VWA8: variants seen among roughly 807,000 people sequenced by gnomAD.
VWA8 encodes von Willebrand factor A domain-containing protein 8.
VWA8 carries 221 observed loss-of-function variants against 241.5 expected under a neutral mutation model. The ratio of observed to expected loss-of-function variants is 0.91; its 90% CI spans 0.82 to 1.02. VWA8 has a LOEUF of 1.02. Among genes scored for constraint, VWA8 ranks in the 50% least tolerant of loss-of-function variants. VWA8 has a pLI of 0.00. For synonymous variants in VWA8, 852 were observed against 827.1 expected (o/e 1.03, Z -0.52); for missense variants, 2,322 against 2,328.7 (o/e 1.00, Z 0.06).
chr13:41,646,899 G>C (rs983239448), intron 37 of VWA8, among the ~76,000 whole-genome samples: 1 of 152,160 alleles, frequency 6.6e-6, no homozygotes, highest in African/African-American at 2.4e-5. Context: ...AGTGGCTCAC[G>C]TCTGAAAATG....
intron 17 of VWA8, among the ~76,000 whole-genome samples, chr13:41,808,979 A>G (rs1184224513): frequency 6.6e-6 from 1 of 152,120 alleles, no homozygotes. Context: ...ACAATGTGAA[A>G]AAGAAATAAA....
chr13:41,761,991 GC>G (rs1468813309), intron 20 of VWA8, among the ~76,000 whole-genome samples: 2 of 152,074 alleles, frequency 1.3e-5, no homozygotes. Context: ...ATACATGCTA[GC>G]AAAAATAACT....
chr13:41,768,002 T>C (rs1473734166), intron 20 of VWA8, among the ~76,000 whole-genome samples: 3 of 152,272 alleles, frequency 2.0e-5, no homozygotes, highest in Non-Finnish European at 4.4e-5. Context: ...TGTGGCAGAA[T>C]GCCAAAGAAT....
At chr13:41,594,360 C>T (rs1439592822) in intron 40 of VWA8, among the ~76,000 whole-genome samples, 1 of 151,680 alleles carries the variant, frequency 6.6e-6, no homozygotes, top group Non-Finnish European at 1.5e-5. Flanking sequence ...AAACTCCTGG[C>T]CTCAGGTGAT....
At chr13:41,761,070 G>A in intron 21 of VWA8, 58 bp downstream of exon 21, 1 of 1,540,538 alleles carries the variant, frequency 6.5e-7, no homozygotes, top group Non-Finnish European at 8.9e-7. Context: ...AATTGTACCA[G>A]GAGGGAAACA....
chr13:41,901,752 G>A (rs1265608576), intron 4 of VWA8, among the ~76,000 whole-genome samples: 3 of 149,968 alleles, frequency 2.0e-5, no homozygotes, highest in Admixed American at 6.7e-5. Context: ...TGTAGTCCCA[G>A]TTACTCGGGA....
chr13:41,912,300 CAT>C (rs1247047858), intron 2 of VWA8, 132 bp from the exon 3 acceptor site: 6 of 649,816 alleles, frequency 9.2e-6, no homozygotes, highest in South Asian at 6.6e-5. Context: ...TATTTATAAA[CAT>C]ATGTATATAA....
intron 28 of VWA8, among the ~76,000 whole-genome samples, chr13:41,699,932 C>G (rs1014779625): frequency 1.4e-4 from 22 of 152,092 alleles, no homozygotes; most frequent in African/African-American, 5.1e-4. Context: ...GACTCTGCTT[C>G]AGGAGGTTTG....
intron 29 of VWA8, among the ~76,000 whole-genome samples, chr13:41,697,535 G>T (rs34147940): frequency 3.6e-3 from 542 of 152,166 alleles, no homozygotes; most frequent in South Asian, 0.015. Flanking sequence ...GCTGTGTGGG[G>T]GTGTGAGATG....
At chr13:41,849,795 G>A (rs771914684) in intron 12 of VWA8, among the ~76,000 whole-genome samples, 8 of 152,018 alleles carry the variant, frequency 5.3e-5, no homozygotes, top group Non-Finnish European at 1.0e-4. Context: ...GCTGAGGCAG[G>A]AGAATCACTT....
In VWA8 at chr13:41,769,149, C is replaced by T. The variant is rs116851538; in HGVS notation, c.2350-7945G>A. Among the ~76,000 whole-genome samples the T allele has an allele frequency of 4.8e-4, 73 of 152,290 alleles. 1 individual carries two copies. The East Asian group carries it at 7.9e-3, about 17-fold the overall frequency. On this transcript the variant is annotated intron_variant, in intron 20 of 44. Transcript: ENST00000379310. ...CTGCAGCTTCTGGGATCAAGGCATC[C>T]GCCTACCTCGGACTCCCGAAGTGCT...
At chr13:41,734,092 C>T (rs1459253221) in intron 21 of VWA8, among the ~76,000 whole-genome samples, 1 of 152,184 alleles carries the variant, frequency 6.6e-6, no homozygotes, top group Non-Finnish European at 1.5e-5. Flanking sequence ...GTAATCCCGG[C>T]ACTTTGTGAG....
intron 4 of VWA8, among the ~76,000 whole-genome samples, chr13:41,896,690 G>A (rs1005550635): frequency 5.3e-5 from 8 of 152,108 alleles, no homozygotes; most frequent in African/African-American, 1.9e-4. Context: ...TTATTAGAGA[G>A]CTAAAGGTAA....
chr13:41,631,905 A>C (rs899877163), intron 37 of VWA8, among the ~76,000 whole-genome samples: 1 of 152,206 alleles, frequency 6.6e-6, no homozygotes, highest in Non-Finnish European at 1.5e-5. Flanking sequence ...CACACTCAGT[A>C]TTAACACTCA....
At chr13:41,802,236 T>C (rs1174251437) in intron 17 of VWA8, among the ~76,000 whole-genome samples, 1 of 152,134 alleles carries the variant, frequency 6.6e-6, no homozygotes, top group African/African-American at 2.4e-5. Context: ...ATATTGATTG[T>C]GGTATTTTGC....
intron 35 of VWA8, 41 bp from the exon 36 acceptor site, chr13:41,675,337 G>A: frequency 7.0e-7 from 1 of 1,436,280 alleles, no homozygotes; most frequent in South Asian, 1.2e-5. Context: ...TTAAATTACT[G>A]CAAGATACCA....
chr13:41,831,653 C>G (rs1256750410), intron 13 of VWA8, among the ~76,000 whole-genome samples: 12 of 142,962 alleles, frequency 8.4e-5, no homozygotes, highest in Non-Finnish European at 1.3e-4. Flanking sequence ...GAGTCTCCCT[C>G]TCGTCACCCA....
At chr13:41,577,852 T>C (rs1202269316) in intron 42 of VWA8, among the ~76,000 whole-genome samples, 4 of 152,208 alleles carry the variant, frequency 2.6e-5, no homozygotes, top group East Asian at 3.9e-4. Context: ...AATTAGATGA[T>C]AGTGAATGAA....
intron 17 of VWA8, among the ~76,000 whole-genome samples, chr13:41,789,970 A>G (rs923907397): frequency 6.6e-6 from 1 of 152,210 alleles, no homozygotes. Context: ...CATCCAAAGT[A>G]TGTAAAAGGA....
Sources: gnomAD v4.1 joint callset for allele counts (sites outside exome capture counted in the v4.1 genomes callset) on GRCh38, gnomAD v4.1.1 for gene constraint, MANE v1.5 for transcripts, NCBI Gene and HGNC (gene_info 2026-07-23, HGNC 2026-07-21) for gene names.